KIAA2012: variants seen among roughly 807,000 people sequenced by gnomAD.
KIAA2012 encodes uncharacterized protein KIAA2012.
Under a neutral mutation model 150.6 loss-of-function variants are expected in KIAA2012, and 125 were observed. That is an observed-to-expected ratio of 0.83 (90% CI 0.72 to 0.96). KIAA2012 has a LOEUF of 0.96. Ranked by LOEUF, KIAA2012 falls within the 40% of genes least tolerant of loss-of-function variation. The pLI is 0.00. For missense variants in KIAA2012, 1,219 were observed against 1,354.9 expected (o/e 0.90, Z 1.57); for synonymous variants, 462 against 504.7 (o/e 0.92, Z 1.13).
intron 2 of KIAA2012, among the ~76,000 whole-genome samples, chr2:202,076,435 C>G (rs915315709): frequency 1.3e-5 from 2 of 152,198 alleles, no homozygotes; most frequent in African/African-American, 2.4e-5. Context: ...CTCCTCTGCC[C>G]TCTTTTCATC....
In KIAA2012 at chr2:202,194,305, C is replaced by T. The variant is rs1268153506; in HGVS notation, c.3130C>T (p.Arg1044Trp). ...ERARQQQEEF[R>W]RKLRELQRKK... ...AGCCCGGCAACAGCAAGAGGAGTTT[C>T]GGAGGAAACTGCGAGAACTACAGAG... Residue 1044 changes from arginine (R) to tryptophan (W), a missense_variant, in exon 21 of 24, where the codon CGG becomes TGG. Physicochemically the swap from Arg to Trp is moderately radical, Grantham distance 101. Coordinates refer to ENST00000498697, the MANE Select transcript of KIAA2012 (RefSeq NM_001277372.4). 16 of 1,550,458 alleles carry T rather than the reference C, an allele frequency of 1.0e-5. No homozygotes were observed. Among genetic ancestry groups the T allele is most frequent in the Admixed American group, 9.8e-5 (5 of 50,984 alleles).
At chr2:202,193,562 T>C (rs1479391201) in intron 20 of KIAA2012, 59 bp downstream of exon 20, 3 of 1,516,978 alleles carry the variant, frequency 2.0e-6, no homozygotes, top group Non-Finnish European at 2.7e-6. Flanking sequence ...AAAAAGACAG[T>C]GGTTGACCTC....
At chr2:202,091,133 C>T (rs1163789155) in intron 3 of KIAA2012, among the ~76,000 whole-genome samples, 1 of 152,236 alleles carries the variant, frequency 6.6e-6, no homozygotes, top group African/African-American at 2.4e-5. Flanking sequence ...GAGGGAAGAA[C>T]GGCCTGAAGT....
intron 2 of KIAA2012, among the ~76,000 whole-genome samples, chr2:202,077,823 A>C (rs571345320): frequency 3.0e-4 from 45 of 152,286 alleles, no homozygotes; most frequent in Admixed American, 7.8e-4. Flanking sequence ...TAAAAATAAT[A>C]CAAATTATTT....
intron 21 of KIAA2012, among the ~76,000 whole-genome samples, chr2:202,194,864 G>T (rs1692386709): frequency 6.6e-6 from 1 of 152,112 alleles, no homozygotes; most frequent in South Asian, 2.1e-4. Context: ...TGCCTCCCAG[G>T]TTCAAGCAGT....
chr2:202,132,148 C>G (rs1455390211), intron 12 of KIAA2012, among the ~76,000 whole-genome samples: 1 of 151,946 alleles, frequency 6.6e-6, no homozygotes, highest in African/African-American at 2.4e-5. Flanking sequence ...TGCACTCCAG[C>G]CTGGGCAACA....
chr2:202,148,480 G>A (rs190704964), intron 13 of KIAA2012, among the ~76,000 whole-genome samples: 2 of 152,206 alleles, frequency 1.3e-5, no homozygotes, highest in East Asian at 1.9e-4. Flanking sequence ...TGGAGCCCTC[G>A]CAAAACGGCC....
intron 12 of KIAA2012, among the ~76,000 whole-genome samples, chr2:202,126,476 T>C (rs1575025770): frequency 6.6e-6 from 1 of 152,226 alleles, no homozygotes; most frequent in Non-Finnish European, 1.5e-5. Flanking sequence ...GCCCTCTGCA[T>C]TCCCCCTTGC....
intron 9 of KIAA2012, among the ~76,000 whole-genome samples, chr2:202,108,759 G>C (rs1215795223): frequency 3.3e-5 from 5 of 152,166 alleles, no homozygotes; most frequent in African/African-American, 1.2e-4. Context: ...GGTTAAAGGT[G>C]ATATCTGCCC....
intron 13 of KIAA2012, among the ~76,000 whole-genome samples, chr2:202,148,461 G>A (rs1325713715): frequency 1.3e-5 from 2 of 152,178 alleles, no homozygotes; most frequent in Non-Finnish European, 2.9e-5. Context: ...TCTCCACCGT[G>A]CCTACTTGTG....
chr2:202,073,528 T>C lies in KIAA2012; in HGVS notation c.-100T>C, dbSNP rs1233162845. The stretch of plus-strand genomic sequence containing the variant: ...AAAAGGCCCTGTGTTTGTGGTCTTC[T>C]TGGGCTTGCTGTGAGCTCTGGAAAT... On this transcript the variant is annotated 5_prime_UTR_variant, in exon 1 of 24. Coordinates refer to ENST00000498697, the MANE Select transcript of KIAA2012 (RefSeq NM_001277372.4). 3 of 1,022,290 alleles carry C rather than the reference T, an allele frequency of 2.9e-6. No individual in the cohort carries two copies. The highest frequency in any genetic ancestry group is 2.4e-5 in the Admixed American group (1 of 41,182). 63.3% of individuals were successfully genotyped at this position (1,022,290 alleles called of 1,614,324 possible).
intron 19 of KIAA2012, among the ~76,000 whole-genome samples, chr2:202,192,919 A>T (rs373748177): frequency 6.6e-6 from 1 of 152,198 alleles, no homozygotes; most frequent in Non-Finnish European, 1.5e-5. Context: ...CCCAGCCACA[A>T]GTAATTTTTG....
At chr2:202,140,403 G>C (rs1248117089) in intron 13 of KIAA2012, among the ~76,000 whole-genome samples, 1 of 152,156 alleles carries the variant, frequency 6.6e-6, no homozygotes, top group Non-Finnish European at 1.5e-5. Context: ...CCTCCTTTGT[G>C]AAATGATGGG....
chr2:202,198,029 C>T (rs1397401621), intron 22 of KIAA2012, among the ~76,000 whole-genome samples: 1 of 151,628 alleles, frequency 6.6e-6, no homozygotes, highest in Non-Finnish European at 1.5e-5. Flanking sequence ...CAAAAAGCAG[C>T]TGGGCATGGT....
At chr2:202,176,137 T>A (rs766167016) in intron 15 of KIAA2012, among the ~76,000 whole-genome samples, 7 of 152,150 alleles carry the variant, frequency 4.6e-5, no homozygotes, top group Non-Finnish European at 8.8e-5. Flanking sequence ...TTTATGAATT[T>A]TGGAAAGGAA....
At chr2:202,153,279 G>A (rs1691462173) in intron 13 of KIAA2012, among the ~76,000 whole-genome samples, 1 of 152,130 alleles carries the variant, frequency 6.6e-6, no homozygotes, top group African/African-American at 2.4e-5. Context: ...AGAGATGGCT[G>A]CACAAGCCTC....
At chr2:202,158,274 G>A (rs185983990) in intron 14 of KIAA2012, among the ~76,000 whole-genome samples, 359 of 151,754 alleles carry the variant, frequency 2.4e-3, no homozygotes, top group African/African-American at 8.1e-3. Context: ...GATTACAGGC[G>A]TGAGCCACCG....
At chr2:202,097,779 G>A (rs1172132713) in intron 5 of KIAA2012, among the ~76,000 whole-genome samples, 1 of 151,886 alleles carries the variant, frequency 6.6e-6, no homozygotes, top group Non-Finnish European at 1.5e-5. Context: ...TAGTGGAGAT[G>A]GGGTTTCACA....
intron 19 of KIAA2012, among the ~76,000 whole-genome samples, chr2:202,190,844 C>T (rs1056760563): frequency 6.6e-6 from 1 of 152,178 alleles, no homozygotes; most frequent in Non-Finnish European, 1.5e-5. Context: ...CAGAGCTGAG[C>T]ATATTTCCTT....
Sources: allele counts gnomAD v4.1 joint callset (sites outside exome capture counted in the v4.1 genomes callset), GRCh38; gene constraint gnomAD v4.1.1; transcripts MANE v1.5; gene names NCBI Gene and HGNC (gene_info 2026-07-23, HGNC 2026-07-21).